The following DYSF variants were observed in gnomAD, a reference collection of about 807,000 sequenced individuals.
DYSF encodes the protein dysferlin.
Under a neutral mutation model 274.9 loss-of-function variants are expected in DYSF, and 212 were observed. The ratio of observed to expected loss-of-function variants is 0.77; its 90% CI spans 0.69 to 0.86. DYSF has a LOEUF of 0.86. DYSF is among the 40% of genes least tolerant of loss of function. The pLI is 0.00. For missense variants in DYSF, 2,666 were observed against 2,783.2 expected (o/e 0.96, Z 0.95); for synonymous variants, 1,091 against 1,078.7 (o/e 1.01, Z -0.22).
intron 22 of DYSF, among the ~76,000 whole-genome samples, chr2:71,556,905 C>T (rs1465315263): frequency 6.6e-6 from 1 of 152,250 alleles, no homozygotes; most frequent in Non-Finnish European, 1.5e-5. Flanking sequence ...ACCCCTCCCT[C>T]AGCCTGGCTG....
intron 33 of DYSF, among the ~76,000 whole-genome samples, chr2:71,599,226 G>T (rs2093484130): frequency 6.6e-6 from 1 of 152,162 alleles, no homozygotes; most frequent in Admixed American, 6.5e-5. Context: ...CACAGGCAGG[G>T]CCTCTTACCA....
At chr2:71,631,829 G>A (rs763981857) in intron 41 of DYSF, among the ~76,000 whole-genome samples, 5 of 151,934 alleles carry the variant, frequency 3.3e-5, no homozygotes, top group Non-Finnish European at 5.9e-5. Context: ...CCTCGGGAGT[G>A]CACCCCTCCT....
chr2:71,665,948 C>T (rs1372415000), intron 47 of DYSF, among the ~76,000 whole-genome samples: 1 of 152,186 alleles, frequency 6.6e-6, no homozygotes, highest in Admixed American at 6.5e-5. Context: ...CCCAGCTGGC[C>T]CCTTGCCTCC....
At chr2:71,510,626 A>G (rs2085995767) in intron 4 of DYSF, among the ~76,000 whole-genome samples, 1 of 152,098 alleles carries the variant, frequency 6.6e-6, no homozygotes, top group South Asian at 2.1e-4. Context: ...AGAGCTGAGT[A>G]TGTCGGGAGC....
chr2:71,583,247 C>T (rs533723916), intron 30 of DYSF, among the ~76,000 whole-genome samples: 2 of 152,338 alleles, frequency 1.3e-5, no homozygotes, highest in East Asian at 3.9e-4. Context: ...GCACCTGCTG[C>T]TCTGAGGGGC....
rs1463556658 is a variant in DYSF at position 71,543,281 on chromosome 2, A to G, written c.1576+4042A>G. ...CCAGACGGGGCGGCAGGGCAGAGGC[A>G]CTCCCCACATCTCAGATGATGGGCA... On this transcript the variant is annotated intron_variant, in intron 17 of 55. Coordinates refer to ENST00000410020, the MANE Select transcript of DYSF (RefSeq NM_001130987.2). Among the ~76,000 whole-genome samples the G allele has an allele frequency of 3.7e-5, 5 of 134,302 alleles. No individual in the cohort carries two copies. The East Asian group carries it at 6.7e-4, about 18-fold the overall frequency. 88.1% of individuals were successfully genotyped at this position (134,302 alleles called of 152,430 possible). A position where few individuals can be genotyped will look rare whatever the true frequency, so the allele number is the denominator to read the frequency against.
chr2:71,603,677 C>T (rs139568663), intron 36 of DYSF, among the ~76,000 whole-genome samples: 2 of 152,154 alleles, frequency 1.3e-5, no homozygotes, highest in Non-Finnish European at 1.5e-5. Flanking sequence ...GCTGTAATTG[C>T]GCCTGACAGG....
rs187461247 is a variant in DYSF at position 71,458,482 on chromosome 2, T to A, written c.88+4396T>A. On this transcript the variant is annotated intron_variant, in intron 1 of 54. Coordinates refer to the DYSF transcript ENST00000258104. ...CCAGGGACACTGGGCCTGTCTTCTC[T>A]GGCTGCCCCTCCTAGAGCAGTCCCT... 1.1e-3 allele frequency among the ~76,000 whole-genome samples: 160 copies of A among 152,320 alleles called. 2 individuals are homozygous for A. Among genetic ancestry groups the A allele is most frequent in the South Asian group, 3.9e-3 (19 of 4,828 alleles).
chr2:71,657,342 C>T (rs1044375161), intron 43 of DYSF, among the ~76,000 whole-genome samples: 1 of 152,112 alleles, frequency 6.6e-6, no homozygotes, highest in Non-Finnish European at 1.5e-5. Flanking sequence ...GGTACAGGCT[C>T]CCTCCTGGCT....
chr2:71,630,453 A>G (rs1398324944), intron 41 of DYSF, among the ~76,000 whole-genome samples: 1 of 152,244 alleles, frequency 6.6e-6, no homozygotes, highest in Non-Finnish European at 1.5e-5. Context: ...CACTAGGCCC[A>G]CCAGGCAGGG....
intron 1 of DYSF, among the ~76,000 whole-genome samples, chr2:71,469,658 G>A (rs575921226): frequency 1.3e-5 from 2 of 152,318 alleles, no homozygotes; most frequent in African/African-American, 4.8e-5. Flanking sequence ...AGCTCTGGGA[G>A]GCTGGACTCT....
At chr2:71,570,566 C>T (rs1328033598) in intron 28 of DYSF, 33 bp from the exon 29 acceptor site, 1 of 1,611,190 alleles carries the variant, frequency 6.2e-7, no homozygotes, top group Non-Finnish European at 8.5e-7. Flanking sequence ...GGGGAACTGC[C>T]AAGCAATGAG....
Position 71,453,856 on chromosome 2 carries a change from C to T in DYSF, c.-143C>T, listed in dbSNP as rs1435277447. 5.8e-6 allele frequency: 5 copies of T among 857,618 alleles called. No individual in the cohort carries two copies. The African/African-American group carries it at 8.4e-5, about 14-fold the overall frequency. 53.1% of individuals were successfully genotyped at this position (857,618 alleles called of 1,614,324 possible). ...CCGTTCCCCTTTAAGAGCAACTGCT[C>T]TAAGCCAGGAGCCAGAGATTCGAGC... On this transcript the variant is annotated 5_prime_UTR_variant, in exon 1 of 55. Coordinates refer to the DYSF transcript ENST00000258104.
At chr2:71,635,050 C>G (rs959776157) in intron 41 of DYSF, among the ~76,000 whole-genome samples, 4 of 152,198 alleles carry the variant, frequency 2.6e-5, no homozygotes, top group African/African-American at 9.6e-5. Flanking sequence ...CTCCAATCAA[C>G]TGCCCCACAG....
intron 1 of DYSF, among the ~76,000 whole-genome samples, chr2:71,475,244 G>A (rs566913651): frequency 2.6e-4 from 39 of 152,290 alleles, no homozygotes; most frequent in African/African-American, 9.1e-4. Flanking sequence ...GAAGTCTTGG[G>A]GCGTTCCCTG....
intron 30 of DYSF, among the ~76,000 whole-genome samples, chr2:71,584,346 C>T (rs571992525): frequency 1.3e-5 from 2 of 152,308 alleles, no homozygotes; most frequent in Non-Finnish European, 2.9e-5. Flanking sequence ...CAGTGTGCTG[C>T]TGCCGCTCTC....
At chr2:71,561,678 T>G in intron 22 of DYSF, 74 bp from the exon 23 acceptor site, 1 of 1,579,892 alleles carries the variant, frequency 6.3e-7, no homozygotes, top group Non-Finnish European at 8.7e-7. Flanking sequence ...TGTGAGAACC[T>G]GGCACATGTG....
At chr2:71,467,839 G>T (rs1414980819) in intron 1 of DYSF, among the ~76,000 whole-genome samples, 1 of 152,164 alleles carries the variant, frequency 6.6e-6, no homozygotes, top group African/African-American at 2.4e-5. Flanking sequence ...TATCAGAAAA[G>T]ATAGTCAAAT....
intron 33 of DYSF, among the ~76,000 whole-genome samples, chr2:71,599,788 T>C (rs974337712): frequency 6.6e-6 from 1 of 152,096 alleles, no homozygotes; most frequent in Non-Finnish European, 1.5e-5. Context: ...TCAGGTTCCC[T>C]GGGTGGGTGT....
Sources: allele counts gnomAD v4.1 joint callset (sites outside exome capture counted in the v4.1 genomes callset), GRCh38; gene constraint gnomAD v4.1.1; transcripts MANE v1.5; gene names NCBI Gene and HGNC (gene_info 2026-07-23, HGNC 2026-07-21).